PRKCE: variants seen among roughly 807,000 people sequenced by gnomAD.
PRKCE encodes protein kinase C epsilon.
A neutral mutation model predicts 85.4 loss-of-function variants in PRKCE; 16 were observed. That is an observed-to-expected ratio of 0.19 (90% CI 0.13 to 0.28). PRKCE has a LOEUF of 0.28. Among genes scored for constraint, PRKCE ranks in the 10% least tolerant of loss-of-function variants. PRKCE has a pLI of 1.00. For synonymous variants in PRKCE, 388 were observed against 371.5 expected (o/e 1.04, Z -0.51); for missense variants, 573 against 975.2 (o/e 0.59, Z 5.49).
rs927498614 is a variant in PRKCE at position 45,984,763 on chromosome 2, C to G, written c.823+83C>G. The stretch of plus-strand genomic sequence containing the variant: ...CCCCATCCCTGCTTTATAAAAAACC[C>G]TTGTCTGATTCCAGATTTGGCCAAG... On this transcript the variant is annotated intron_variant, in intron 6 of 14. Transcript: ENST00000306156. 7.9e-6 allele frequency: 12 copies of G among 1,518,324 alleles called. No individual in the cohort carries two copies. In the South Asian group the frequency reaches 1.3e-4, roughly 16 times the overall value. 94.1% of individuals were successfully genotyped at this position (1,518,324 alleles called of 1,614,324 possible). A position where few individuals can be genotyped will look rare whatever the true frequency, so the allele number is the denominator to read the frequency against.
At chr2:46,003,593 T>C (rs1374347363) in intron 7 of PRKCE, among the ~76,000 whole-genome samples, 1 of 152,192 alleles carries the variant, frequency 6.6e-6, no homozygotes, top group Non-Finnish European at 1.5e-5. Flanking sequence ...CCTCACAATA[T>C]ACACATAAAG....
At chr2:46,021,275 A>G (rs1706636689) in intron 10 of PRKCE, among the ~76,000 whole-genome samples, 1 of 152,230 alleles carries the variant, frequency 6.6e-6, no homozygotes, top group African/African-American at 2.4e-5. Flanking sequence ...CTGCTAGGCA[A>G]GGAGTTTGCA....
intron 1 of PRKCE, among the ~76,000 whole-genome samples, chr2:45,763,934 C>T (rs755511547): frequency 5.3e-5 from 8 of 152,196 alleles, no homozygotes; most frequent in Non-Finnish European, 1.0e-4. Flanking sequence ...TTAGATCTGA[C>T]ATCCTTTTAC....
intron 2 of PRKCE, among the ~76,000 whole-genome samples, chr2:45,845,959 G>T (rs1691754789): frequency 6.6e-6 from 1 of 152,174 alleles, no homozygotes; most frequent in African/African-American, 2.4e-5. Flanking sequence ...ACAGAAAAAA[G>T]GAGTTGCAAG....
intron 10 of PRKCE, among the ~76,000 whole-genome samples, chr2:46,038,856 G>T (rs1224916589): frequency 6.6e-6 from 1 of 152,148 alleles, no homozygotes; most frequent in Non-Finnish European, 1.5e-5. Context: ...AATGTTGATT[G>T]AGTTTTCCTA....
At chr2:46,164,261 A>C in intron 14 of PRKCE, among the ~76,000 whole-genome samples, 1 of 152,294 alleles carries the variant, frequency 6.6e-6, no homozygotes, top group East Asian at 1.9e-4. Context: ...AAGGCAAGAC[A>C]CCGTGAGAAG....
At chr2:45,674,290 G>A (rs536792042) in intron 1 of PRKCE, among the ~76,000 whole-genome samples, 2 of 152,238 alleles carry the variant, frequency 1.3e-5, no homozygotes, top group Non-Finnish European at 1.5e-5. Context: ...GTAGATGGCC[G>A]TAATGAGATA....
At chr2:45,969,805 G>C (rs1291491171) in intron 2 of PRKCE, among the ~76,000 whole-genome samples, 1 of 152,212 alleles carries the variant, frequency 6.6e-6, no homozygotes, top group Non-Finnish European at 1.5e-5. Context: ...GTTATCTTCA[G>C]CCTGCAAATT....
chr2:45,946,181 A>G (rs984600442), intron 2 of PRKCE, among the ~76,000 whole-genome samples: 11 of 152,238 alleles, frequency 7.2e-5, no homozygotes, highest in African/African-American at 2.7e-4. Flanking sequence ...TGCATCCCTT[A>G]AATCCCTGCC....
intron 11 of PRKCE, among the ~76,000 whole-genome samples, chr2:46,089,204 A>G (rs903307374): frequency 1.4e-4 from 21 of 152,034 alleles, no homozygotes; most frequent in African/African-American, 4.8e-4. Flanking sequence ...TTCTTATTCT[A>G]CATACTGGGC....
intron 2 of PRKCE, among the ~76,000 whole-genome samples, chr2:45,918,233 C>T (rs1332469023): frequency 6.6e-6 from 1 of 152,132 alleles, no homozygotes; most frequent in Non-Finnish European, 1.5e-5. Flanking sequence ...ACGCTGTCAC[C>T]TCTCGCTACT....
chr2:45,898,184 G>A (rs973073835), intron 2 of PRKCE, among the ~76,000 whole-genome samples: 3 of 152,126 alleles, frequency 2.0e-5, no homozygotes, highest in Non-Finnish European at 2.9e-5. Context: ...ACAACTCATC[G>A]CTTCACCTTA....
intron 2 of PRKCE, among the ~76,000 whole-genome samples, chr2:45,894,915 G>A (rs150002513): frequency 0.014 from 2,106 of 152,294 alleles, 17 homozygotes; most frequent in Non-Finnish European, 0.022. Context: ...TAGAGACAGG[G>A]TTTTGCCATG....
chr2:45,695,617 A>T (rs938094113), intron 1 of PRKCE, among the ~76,000 whole-genome samples: 6 of 152,228 alleles, frequency 3.9e-5, no homozygotes, highest in Non-Finnish European at 8.8e-5. Flanking sequence ...AGCTAAAAAT[A>T]CAAAAATTAG....
At chr2:46,153,263 T>C (rs920387990) in intron 13 of PRKCE, among the ~76,000 whole-genome samples, 2 of 152,238 alleles carry the variant, frequency 1.3e-5, no homozygotes, top group Admixed American at 1.3e-4. Flanking sequence ...GTATGTTCAT[T>C]CATGCATTCA....
intron 2 of PRKCE, among the ~76,000 whole-genome samples, chr2:45,969,888 G>C (rs1701994766): frequency 6.6e-6 from 1 of 152,040 alleles, no homozygotes; most frequent in Admixed American, 6.6e-5. Context: ...AGGTTTCTGT[G>C]GTCTTTCTTC....
chr2:46,075,993 C>A (rs1313305090), intron 10 of PRKCE, among the ~76,000 whole-genome samples: 2 of 152,178 alleles, frequency 1.3e-5, no homozygotes, highest in Non-Finnish European at 2.9e-5. Flanking sequence ...AGAAAGCAAC[C>A]AGTGGGGCGA....
chr2:45,821,360 C>A (rs1355641564), intron 1 of PRKCE, among the ~76,000 whole-genome samples: 5 of 152,168 alleles, frequency 3.3e-5, no homozygotes, highest in Non-Finnish European at 7.3e-5. Context: ...GTGAATTGAG[C>A]AGCCTCTAAA....
At chr2:46,080,972 T>TACACAG (rs148321257) in intron 10 of PRKCE, among the ~76,000 whole-genome samples, 1 of 147,586 alleles carries the variant, frequency 6.8e-6, no homozygotes, top group Non-Finnish European at 1.5e-5. Flanking sequence ...CAGTTATGCA[T>TACACAG]ACACACACAC....
Sources: gnomAD v4.1 joint callset for allele counts (sites outside exome capture counted in the v4.1 genomes callset) on GRCh38, gnomAD v4.1.1 for gene constraint, MANE v1.5 for transcripts, NCBI Gene and HGNC (gene_info 2026-07-23, HGNC 2026-07-21) for gene names.